SLC51A: variants seen among roughly 807,000 people sequenced by gnomAD.
The protein encoded by SLC51A is organic solute transporter subunit alpha.
Under a neutral mutation model 34.8 loss-of-function variants are expected in SLC51A, and 22 were observed. The observed-to-expected ratio is 0.63, with a 90% CI of 0.45 to 0.90. The LOEUF (loss-of-function observed/expected upper bound fraction) is 0.90. Ranked by LOEUF, SLC51A falls within the 40% of genes least tolerant of loss-of-function variation. The pLI is 0.00. For synonymous variants in SLC51A, 181 were observed against 176.3 expected, an observed-to-expected ratio of 1.03 and a Z score of -0.21; for missense variants, 371 against 414.8, an observed-to-expected ratio of 0.89 and a Z score of 0.92.
rs73083261 is a variant in SLC51A, at chr3:196,227,760, C to T, written c.362+23C>T. The T allele has an allele frequency of 1.7e-3, 2,687 of 1,599,732 alleles. 28 individuals carry two copies. The African/African-American group carries it at 0.03, about 18-fold the overall frequency. ...CTCGTGAGTGCCCTGCCTCGCCCCA[C>T]CTCCAAGGGCCCCTCTGCTCCCGCT... On this transcript the variant is annotated intron_variant, in intron 4 of 8. Coordinates refer to ENST00000296327, the MANE Select transcript of SLC51A (RefSeq NM_152672.6).
At position 196,233,273 on chromosome 3, in the gene SLC51A, G is replaced by T; in HGVS notation, c.*74G>T. Reference sequence around the variant, plus strand: ...GATTCCTTTACTGTCCCTCAACCTTGACCAAATGGGAAGCATTCCCCCTTG... The same window carrying T: ...GATTCCTTTACTGTCCCTCAACCTTTACCAAATGGGAAGCATTCCCCCTTG... On this transcript the variant is annotated 3_prime_UTR_variant, in exon 9 of 9. Coordinates refer to ENST00000296327, the MANE Select transcript of SLC51A (RefSeq NM_152672.6). The T allele has an allele frequency of 6.6e-7, 1 of 1,514,548 alleles. No individual in the cohort carries two copies. The highest frequency in any genetic ancestry group is 1.2e-5 in the South Asian group (1 of 80,428). 93.8% of individuals were successfully genotyped at this position (1,514,548 alleles called of 1,614,324 possible).
Position 196,233,275 on chromosome 3 carries a change from C to T in SLC51A, c.*76C>T. The T allele has an allele frequency of 6.6e-7, 1 of 1,510,980 alleles. No individual in the cohort carries two copies. The highest frequency in any genetic ancestry group is 9.0e-7 in the Non-Finnish European group (1 of 1,113,048). 93.6% of individuals were successfully genotyped at this position (1,510,980 alleles called of 1,614,324 possible). A position where few individuals can be genotyped will look rare whatever the true frequency, so the allele number is the denominator to read the frequency against. On this transcript the variant is annotated 3_prime_UTR_variant, in exon 9 of 9. Coordinates refer to ENST00000296327, the MANE Select transcript of SLC51A (RefSeq NM_152672.6). ...TTCCTTTACTGTCCCTCAACCTTGA[C>T]CAAATGGGAAGCATTCCCCCTTGTC...
chr3:196,233,159 C>T lies in SLC51A; in HGVS notation c.983C>T (p.Thr328Ile). ...RRKDHKVGYE[T>I]FSSPDLDLNL... is the part of the protein sequence containing the mutation. ...AAAGACCACAAGGTTGGGTATGAAA[C>T]TTTCTCTTCTCCAGACCTGGACTTG... is the stretch of plus-strand genomic sequence containing the variant. The change falls in exon 9 of 9, where the codon ACT (threonine) becomes ATT (isoleucine). Residue 328 changes from threonine (T) to isoleucine (I), a missense_variant. Transcript: ENST00000296327. 6.2e-7 allele frequency: 1 copy of T among 1,614,216 alleles called. No individual in the cohort carries two copies. Among genetic ancestry groups the T allele is most frequent in the Non-Finnish European group, 8.5e-7 (1 of 1,180,044 alleles).
intron 2 of SLC51A, among the ~76,000 whole-genome samples, chr3:196,223,429 C>T (rs893585354): frequency 1.3e-5 from 2 of 151,628 alleles, no homozygotes; most frequent in East Asian, 3.9e-4. Flanking sequence ...CTGATGTGGG[C>T]GGAAGGAGGA....
At chr3:196,227,465 C>A (rs1438752930) in intron 3 of SLC51A, 199 bp from the exon 4 acceptor site, 5 of 614,328 alleles carry the variant, frequency 8.1e-6, no homozygotes, top group Admixed American at 8.1e-5. Flanking sequence ...TCAGCTCCAC[C>A]CTTACGCTGA....
chr3:196,232,388 T>C (rs1335282460), intron 7 of SLC51A, 31 bp from the exon 8 acceptor site: 1 of 1,574,050 alleles, frequency 6.4e-7, no homozygotes, highest in Non-Finnish European at 8.7e-7. Flanking sequence ...GCAGGCCCAG[T>C]CCACCCTTGC....
rs936394837 is a variant in SLC51A, at chr3:196,233,422, A to G, written c.*223A>G. 3.1e-5 allele frequency: 16 copies of G among 518,952 alleles called. No homozygotes were observed. The highest frequency in any genetic ancestry group is 2.7e-4 in the African/African-American group (14 of 52,166). 32.1% of individuals were successfully genotyped at this position (518,952 alleles called of 1,614,324 possible). A position where few individuals can be genotyped will look rare whatever the true frequency, so the allele number is the denominator to read the frequency against. ...TGTAATAAACAAGATGATGTCTGAA[A>G]ATGTGTAACTGGGCACCTTGCCTCT... On this transcript the variant is annotated 3_prime_UTR_variant, in exon 9 of 9. Coordinates refer to ENST00000296327, the MANE Select transcript of SLC51A (RefSeq NM_152672.6).
At chr3:196,217,564 A>AAAGG (rs71161913) in intron 1 of SLC51A, among the ~76,000 whole-genome samples, 17 of 149,074 alleles carry the variant, frequency 1.1e-4, no homozygotes, top group South Asian at 4.3e-4. Context: ...AAAGAAAGAA[A>AAAGG]AAGGAAGGAA....
intron 2 of SLC51A, among the ~76,000 whole-genome samples, chr3:196,221,593 C>T (rs926224447): frequency 6.6e-6 from 1 of 151,722 alleles, no homozygotes; most frequent in African/African-American, 2.4e-5. Flanking sequence ...TGAACAAATA[C>T]TACACGCCAG....
At chr3:196,227,597 C>G (rs751156594) in intron 3 of SLC51A, 67 bp from the exon 4 acceptor site, 12 of 1,447,756 alleles carry the variant, frequency 8.3e-6, no homozygotes, top group Admixed American at 1.7e-5. Flanking sequence ...GTGTCCTTGC[C>G]GCAAAAGGCT....
In SLC51A at chr3:196,216,610, C is replaced by T. The variant is rs56030157; in HGVS notation, c.-103C>T. The T allele has an allele frequency of 0.2, 233,513 of 1,147,956 alleles. 30,119 individuals are homozygous for T. Among genetic ancestry groups the T allele is most frequent in the East Asian group, 0.43 (16,755 of 39,030 alleles). 71.1% of individuals were successfully genotyped at this position (1,147,956 alleles called of 1,614,324 possible). ...AGACTCTGCAATTCTGCTTGCCCCCCACCCCGGCCCAGGCAAGCCACCCTG... is the reference window on the plus strand; with the variant it reads ...AGACTCTGCAATTCTGCTTGCCCCCTACCCCGGCCCAGGCAAGCCACCCTG... On this transcript the variant is annotated 5_prime_UTR_variant, in exon 1 of 9. Transcript: ENST00000296327. The surrounding 1 kb of genome is among the most constrained non-coding windows in gnomAD (Gnocchi z 4.5).
intron 2 of SLC51A, among the ~76,000 whole-genome samples, chr3:196,223,313 GA>G (rs1225798648): frequency 6.6e-6 from 1 of 151,942 alleles, no homozygotes; most frequent in Non-Finnish European, 1.5e-5. Flanking sequence ...CCGGGCGTTT[GA>G]GAACAGAGCA....
At position 196,226,949 on chromosome 3, in the gene SLC51A, C is replaced by T. The variant is rs748130436; in HGVS notation, c.134-16C>T. 1.2e-6 allele frequency: 2 copies of T among 1,604,104 alleles called. No individual in the cohort carries two copies. Among genetic ancestry groups the T allele is most frequent in the Admixed American group, 3.4e-5 (2 of 58,378 alleles). ...CTCAGTCCCGGTCGTCAGCTCTCTG[C>T]CTTCTCCTCCTCTAGCCCTGGGCCC... On this transcript the variant is annotated splice_polypyrimidine_tract_variant and intron_variant, in intron 2 of 8. Transcript: ENST00000296327.
chr3:196,232,518 T>C lies in SLC51A; in HGVS notation c.880T>C (p.Ser294Pro), dbSNP rs150476186. 5.0e-6 allele frequency: 8 copies of C among 1,612,856 alleles called. No homozygotes were observed. In the African/African-American group the frequency reaches 5.3e-5, roughly 11 times the overall value. Residue 294 changes from serine to proline, a missense_variant, in exon 8 of 9, where the codon TCT (serine) becomes CCT (proline). Coordinates refer to ENST00000296327, the MANE Select transcript of SLC51A (RefSeq NM_152672.6). The part of the protein sequence containing the change: ...CSPPYSSKTR[S>P]QVMNCHLLIL... Reference sequence around the variant, plus strand: ...GCCTCCCTATTCCTCTAAAACCAGGTCTCAAGGTGAGCACGTTAAGCCTCC... The same window carrying C: ...GCCTCCCTATTCCTCTAAAACCAGGCCTCAAGGTGAGCACGTTAAGCCTCC...
At position 196,227,646 on chromosome 3, in the gene SLC51A, C is replaced by A; in HGVS notation, c.289-18C>A. 1 of 1,613,528 alleles carries A rather than the reference C, an allele frequency of 6.2e-7. No homozygotes were observed. The highest frequency in any genetic ancestry group is 1.1e-5 in the South Asian group (1 of 91,066). On this transcript the variant is annotated intron_variant, in intron 3 of 8. Transcript: ENST00000296327. ...GGTCTCCCTCCCGCCCTCACCTGCT[C>A]CTGCCCCTTCTGAGCAGGTGGTGTC...
At chr3:196,231,651 G>A (rs968078012) in intron 7 of SLC51A, among the ~76,000 whole-genome samples, 2 of 152,134 alleles carry the variant, frequency 1.3e-5, no homozygotes, top group Admixed American at 6.6e-5. Flanking sequence ...TTGAGACCAG[G>A]CCGAAAGATA....
In SLC51A at chr3:196,228,957, C is replaced by T; in HGVS notation, c.633+37C>T. The T allele has an allele frequency of 6.7e-7, 1 of 1,482,262 alleles. No individual in the cohort carries two copies. The allele number at this position is 1,482,262 out of a possible 1,614,324, so 91.8% of individuals were successfully genotyped here. On this transcript the variant is annotated intron_variant, in intron 6 of 8. Transcript: ENST00000296327. This position sits in a 1 kb window ranked among gnomAD's most constrained non-coding sequence, Gnocchi z 4.9. ...GTAAGGGACAGCACAGTCCAAGACTCATTTAGTACCTTTGTGTTCTAAAAG... is the reference window on the plus strand; with the variant it reads ...GTAAGGGACAGCACAGTCCAAGACTTATTTAGTACCTTTGTGTTCTAAAAG...
chr3:196,216,764 G>T lies in SLC51A; in HGVS notation c.38+14G>T. The T allele has an allele frequency of 6.4e-7, 1 of 1,568,644 alleles. No individual in the cohort carries two copies. The highest frequency in any genetic ancestry group is 1.4e-5 in the African/African-American group (1 of 73,958). On this transcript the variant is annotated intron_variant, in intron 1 of 8. Coordinates refer to ENST00000296327, the MANE Select transcript of SLC51A (RefSeq NM_152672.6). This position sits in a 1 kb window ranked among gnomAD's most constrained non-coding sequence, Gnocchi z 4.5. ...GCTTGACCCCAGGTAAGTGAGGGCG[G>T]CGGGCCCTGGGCCAGTCGCTGGGCA...
In SLC51A at chr3:196,233,390, T is replaced by A; in HGVS notation, c.*191T>A. On this transcript the variant is annotated 3_prime_UTR_variant, in exon 9 of 9. Coordinates refer to ENST00000296327, the MANE Select transcript of SLC51A (RefSeq NM_152672.6). ...TTTGGATCTTGCCTGGAAGGTGTTT[T>A]AAGTTTTGTAATAAACAAGATGATG... 1 of 618,416 alleles carries A rather than the reference T, an allele frequency of 1.6e-6. No individual in the cohort carries two copies. Among genetic ancestry groups the A allele is most frequent in the Non-Finnish European group, 2.7e-6 (1 of 364,008 alleles). The allele number at this position is 618,416 out of a possible 1,614,324, so 38.3% of individuals were successfully genotyped here. A position where few individuals can be genotyped will look rare whatever the true frequency, so the allele number is the denominator to read the frequency against.
Sources: gnomAD v4.1 joint callset for allele counts (sites outside exome capture counted in the v4.1 genomes callset) on GRCh38, gnomAD v4.1.1 for gene constraint, Gnocchi (gnomAD v3.1) non-coding constraint, MANE v1.5 for transcripts, NCBI Gene and HGNC (gene_info 2026-07-23, HGNC 2026-07-21) for gene names.